RAB28: variants seen among roughly 807,000 people sequenced by gnomAD.
The protein encoded by RAB28 is ras-related protein Rab-28.
Under a neutral mutation model 31.7 loss-of-function variants are expected in RAB28, and 24 were observed. That is an observed-to-expected ratio of 0.76 (90% CI 0.55 to 1.06). The LOEUF (loss-of-function observed/expected upper bound fraction) is 1.06, where lower values mean the gene tolerates loss of function less well. Among genes scored for constraint, RAB28 ranks in the 50% least tolerant of loss-of-function variants. The pLI is 0.00. For missense variants in RAB28, 254 were observed against 258.5 expected (o/e 0.98, Z 0.12); for synonymous variants, 100 against 90.4 (o/e 1.11, Z -0.60).
intron 4 of RAB28, among the ~76,000 whole-genome samples, chr4:13,423,259 G>A (rs1056078334): frequency 2.6e-5 from 4 of 152,186 alleles, no homozygotes; most frequent in Non-Finnish European, 5.9e-5. Flanking sequence ...TGAGAGGCCA[G>A]GCGCAGTGGC....
At chr4:13,437,555 C>T (rs1714191427) in intron 4 of RAB28, among the ~76,000 whole-genome samples, 1 of 151,922 alleles carries the variant, frequency 6.6e-6, no homozygotes, top group African/African-American at 2.4e-5. Flanking sequence ...TGACATACAA[C>T]ACTTCTCAAA....
At chr4:13,467,038 G>A (rs574333621) in intron 3 of RAB28, among the ~76,000 whole-genome samples, 2 of 151,606 alleles carry the variant, frequency 1.3e-5, no homozygotes, top group African/African-American at 4.8e-5. Flanking sequence ...GGGGAAATGG[G>A]GAAATAGTCA....
chr4:13,447,752 G>T (rs1714772223), intron 4 of RAB28, among the ~76,000 whole-genome samples: 1 of 151,998 alleles, frequency 6.6e-6, no homozygotes, highest in Non-Finnish European at 1.5e-5. Context: ...TGATGTATAT[G>T]TACCTATCCA....
intron 4 of RAB28, among the ~76,000 whole-genome samples, chr4:13,424,167 C>G (rs73819847): frequency 0.056 from 8,540 of 152,200 alleles, 551 homozygotes; most frequent in African/African-American, 0.16. Flanking sequence ...ATTTTCAGTT[C>G]AAGACTATAT....
At chr4:13,483,980 C>T (rs1716742751) in intron 1 of RAB28, 96 bp downstream of exon 1, 4 of 1,218,836 alleles carry the variant, frequency 3.3e-6, no homozygotes, top group Non-Finnish European at 3.5e-6. Flanking sequence ...AGCCCGAGGG[C>T]TCGGGGTAAC....
intron 4 of RAB28, among the ~76,000 whole-genome samples, chr4:13,440,672 G>A (rs1472147180): frequency 6.6e-6 from 1 of 152,028 alleles, no homozygotes; most frequent in Non-Finnish European, 1.5e-5. Context: ...CAATGGCTCT[G>A]ATGTGGACTG....
intron 4 of RAB28, among the ~76,000 whole-genome samples, chr4:13,416,503 G>A (rs1249513347): frequency 6.6e-6 from 1 of 152,142 alleles, no homozygotes; most frequent in Non-Finnish European, 1.5e-5. Context: ...TAACAACATA[G>A]CCAAGTTTAA....
intron 4 of RAB28, among the ~76,000 whole-genome samples, chr4:13,447,151 T>G (rs934506060): frequency 6.6e-6 from 1 of 152,166 alleles, no homozygotes; most frequent in Non-Finnish European, 1.5e-5. Context: ...TCACCTAGAT[T>G]ACATCGAAAG....
chr4:13,401,645 TTC>T (rs1385692818), intron 4 of RAB28, among the ~76,000 whole-genome samples: 1 of 152,228 alleles, frequency 6.6e-6, no homozygotes, highest in Non-Finnish European at 1.5e-5. Context: ...TTGTAATGAT[TTC>T]TTCTCTTTCA....
In RAB28 at chr4:13,469,326, TTA is replaced by T. The variant is rs963009325; in HGVS notation, c.261+4990_261+4991del. Among the ~76,000 whole-genome samples the T allele has an allele frequency of 1.6e-4, 24 of 152,126 alleles. 1 individual carries two copies. The highest frequency in any genetic ancestry group is 1.4e-3 in the Admixed American group (22 of 15,256). On this transcript the variant is annotated intron_variant, in intron 3 of 6. Transcript: ENST00000330852. ...TTGTTATCAACCACATATCTGACAT[TTA>T]TCTCTCTCCTATGTCTTCATGTCTT...
rs1577258996 is a variant in RAB28, at chr4:13,484,250, G to A, written c.-100C>T. On this transcript the variant is annotated 5_prime_UTR_variant, in exon 1 of 7. Coordinates refer to ENST00000330852, the MANE Select transcript of RAB28 (RefSeq NM_001017979.3). ...AGGAGGAAGGGAGGTAGTTGCGGCA[G>A]GACCCCCGCCCCGGTGTCTCCGCGC... is the stretch of plus-strand genomic sequence containing the variant. The A allele has an allele frequency of 3.3e-6, 3 of 906,318 alleles. No homozygotes were observed. Among genetic ancestry groups the A allele is most frequent in the East Asian group, 2.7e-5 (1 of 37,424 alleles). 56.1% of individuals were successfully genotyped at this position (906,318 alleles called of 1,614,324 possible). A position where few individuals can be genotyped will look rare whatever the true frequency, so the allele number is the denominator to read the frequency against.
At chr4:13,467,306 C>G (rs537718010) in intron 3 of RAB28, among the ~76,000 whole-genome samples, 2 of 151,292 alleles carry the variant, frequency 1.3e-5, no homozygotes, top group Non-Finnish European at 3.0e-5. Flanking sequence ...TTATAAACTT[C>G]CAGTTTACAA....
intron 6 of RAB28, chr4:13,371,689 A>T (rs916943440): frequency 6.6e-7 from 1 of 1,505,784 alleles, no homozygotes; most frequent in Admixed American, 2.3e-5. Context: ...AGAAAAACAT[A>T]ATTTCCATGT....
intron 4 of RAB28, among the ~76,000 whole-genome samples, chr4:13,404,592 AAAG>A (rs1711964466): frequency 6.6e-6 from 1 of 152,126 alleles, no homozygotes; most frequent in African/African-American, 2.4e-5. Context: ...AATCCTGAAG[AAAG>A]AAGGAGCTTA....
intron 4 of RAB28, among the ~76,000 whole-genome samples, chr4:13,442,038 C>A (rs1324163181): frequency 2.0e-5 from 3 of 152,134 alleles, no homozygotes; most frequent in Admixed American, 2.0e-4. Context: ...AATACATATA[C>A]CACACAAACT....
chr4:13,429,762 G>T (rs1255271718), intron 4 of RAB28, among the ~76,000 whole-genome samples: 1 of 152,104 alleles, frequency 6.6e-6, no homozygotes, highest in African/African-American at 2.4e-5. Flanking sequence ...CTTATTCCCA[G>T]AAAAATAACA....
In RAB28 at chr4:13,402,236, T is replaced by C. The variant is rs144915099; in HGVS notation, c.392-20642A>G. ...GTTGTCAGATGGAACGTTCTGTAAA[T>C]GTCTATTAGGTCTAGCTGACCGATG... On this transcript the variant is annotated intron_variant, in intron 4 of 6. Transcript: ENST00000330852. Among the ~76,000 whole-genome samples, 283 of 152,330 alleles carry C rather than the reference T, an allele frequency of 1.9e-3. 2 individuals are homozygous for C. Among genetic ancestry groups the C allele is most frequent in the African/African-American group, 6.2e-3 (256 of 41,580 alleles).
intron 4 of RAB28, among the ~76,000 whole-genome samples, chr4:13,458,187 C>T (rs200287923): frequency 4.0e-5 from 6 of 151,848 alleles, no homozygotes; most frequent in African/African-American, 1.4e-4. Flanking sequence ...AATTTCTACC[C>T]AAGCCATAAC....
chr4:13,465,852 A>G (rs1715817678), intron 3 of RAB28, among the ~76,000 whole-genome samples: 1 of 151,880 alleles, frequency 6.6e-6, no homozygotes, highest in South Asian at 2.1e-4. Flanking sequence ...TTACAACAGC[A>G]TGGTACCGGC....
Sources: allele counts gnomAD v4.1 joint callset (sites outside exome capture counted in the v4.1 genomes callset), GRCh38; gene constraint gnomAD v4.1.1; transcripts MANE v1.5; gene names NCBI Gene and HGNC (gene_info 2026-07-23, HGNC 2026-07-21).